Variants in PAPPA2 observed in about 807,000 individuals in gnomAD.
PAPPA2 encodes pappalysin 2, also known as pappalysin-2.
Under a neutral mutation model 176.4 loss-of-function variants are expected in PAPPA2, and 86 were observed. That is an observed-to-expected ratio of 0.49 (90% confidence interval 0.41 to 0.58). The LOEUF (loss-of-function observed/expected upper bound fraction) is 0.58, where lower values mean the gene tolerates loss of function less well. Ranked by LOEUF, PAPPA2 falls within the 20% of genes least tolerant of loss-of-function variation. The pLI is 0.00. For missense variants in PAPPA2, 2,073 were observed against 2,256.9 expected, an observed-to-expected ratio of 0.92 and a Z score of 1.65; for synonymous variants, 809 against 852.2, an observed-to-expected ratio of 0.95 and a Z score of 0.88.
chr1:176,782,695 C>T (rs947692252), intron 17 of PAPPA2, among the ~76,000 whole-genome samples: 4 of 152,176 alleles, frequency 2.6e-5, no homozygotes, highest in Non-Finnish European at 5.9e-5. Flanking sequence ...GGAACCAGAA[C>T]ACACGGGACC....
chr1:176,835,048 G>A (rs1286285479), intron 21 of PAPPA2, among the ~76,000 whole-genome samples: 6 of 152,158 alleles, frequency 3.9e-5, no homozygotes, highest in Non-Finnish European at 8.8e-5. Context: ...CTCTGTGTTA[G>A]ATTGCTAGGT....
chr1:176,767,494 CAT>C (rs1664032293), intron 15 of PAPPA2, among the ~76,000 whole-genome samples: 1 of 152,146 alleles, frequency 6.6e-6, no homozygotes, highest in Non-Finnish European at 1.5e-5. Flanking sequence ...ACTACAGGTG[CAT>C]GCCACCACAC....
At chr1:176,532,945 C>T (rs1399301764) in intron 1 of PAPPA2, among the ~76,000 whole-genome samples, 2 of 152,212 alleles carry the variant, frequency 1.3e-5, no homozygotes. Context: ...CTAGATTTGC[C>T]CATGGCAATC....
At chr1:176,656,765 CCTCTCT>C (rs750068633) in intron 3 of PAPPA2, among the ~76,000 whole-genome samples, 1 of 147,096 alleles carries the variant, frequency 6.8e-6, no homozygotes, top group African/African-American at 2.5e-5. Flanking sequence ...CTGTAATCTC[CCTCTCT>C]CTCTCTCTCT....
Position 176,481,398 on chromosome 1 carries a change from C to T in PAPPA2, c.-917+17980C>T, listed in dbSNP as rs114839085. 2.1e-3 allele frequency among the ~76,000 whole-genome samples: 316 copies of T among 151,890 alleles called. 1 individual carries two copies. The highest frequency in any genetic ancestry group is 7.1e-3 in the African/African-American group (296 of 41,422). On this transcript the variant is annotated intron_variant, in intron 1 of 22. Transcript: ENST00000367662. ...GTGATGCCGTGTGGCAGCTTTGAGA[C>T]GGAATAGTCTGTCTACCTCACAAAG...
At chr1:176,570,871 G>A (rs984865274) in intron 2 of PAPPA2, among the ~76,000 whole-genome samples, 1 of 151,986 alleles carries the variant, frequency 6.6e-6, no homozygotes, top group African/African-American at 2.4e-5. Flanking sequence ...GCAGCTGTTC[G>A]TTTTGCCATT....
intron 1 of PAPPA2, among the ~76,000 whole-genome samples, chr1:176,535,274 AGCATGT>A (rs1318398759): frequency 1.2e-4 from 18 of 152,320 alleles, no homozygotes; most frequent in African/African-American, 4.1e-4. Flanking sequence ...ATGAGGCAGA[AGCATGT>A]GTTGAGGTTG....
intron 11 of PAPPA2, among the ~76,000 whole-genome samples, chr1:176,710,546 A>G (rs1042664439): frequency 2.0e-5 from 3 of 152,162 alleles, no homozygotes; most frequent in Non-Finnish European, 2.9e-5. Context: ...TCTTGCGTAC[A>G]TATTTTTTTT....
chr1:176,615,553 T>G (rs1655157423), intron 3 of PAPPA2, among the ~76,000 whole-genome samples: 2 of 152,152 alleles, frequency 1.3e-5, no homozygotes, highest in Non-Finnish European at 2.9e-5. Flanking sequence ...AGTCTCGATA[T>G]CCTGACCTCG....
chr1:176,633,012 T>C (rs941948442), intron 3 of PAPPA2, among the ~76,000 whole-genome samples: 19 of 152,142 alleles, frequency 1.2e-4, no homozygotes, highest in African/African-American at 4.6e-4. Context: ...TCCTTTGTAC[T>C]AGGCCCTGGT....
chr1:176,581,434 G>A (rs1652953103), intron 2 of PAPPA2, among the ~76,000 whole-genome samples: 1 of 152,098 alleles, frequency 6.6e-6, no homozygotes. Context: ...GGATTGTGTT[G>A]GCTATTTGAG....
At position 176,639,914 on chromosome 1, in the gene PAPPA2, A is replaced by G. The variant is rs558298506; in HGVS notation, c.1992-31056A>G. On this transcript the variant is annotated intron_variant, in intron 3 of 22. Transcript: ENST00000367662. Reference sequence around the variant, plus strand: ...GCAATTACAGAAGATAGATACTATTATTTTTGTTCTCATTTTTTACATTAT... The same window carrying G: ...GCAATTACAGAAGATAGATACTATTGTTTTTGTTCTCATTTTTTACATTAT... Among the ~76,000 whole-genome samples the G allele has an allele frequency of 2.3e-3, 346 of 151,442 alleles. 2 individuals are homozygous for G. The highest frequency in any genetic ancestry group is 7.9e-3 in the African/African-American group (328 of 41,450).
At chr1:176,797,034 A>T (rs1290164559) in intron 20 of PAPPA2, among the ~76,000 whole-genome samples, 1 of 152,208 alleles carries the variant, frequency 6.6e-6, no homozygotes, top group African/African-American at 2.4e-5. Context: ...AAAGTTCAAA[A>T]CAAATCTTTG....
chr1:176,572,703 C>T (rs1017328457), intron 2 of PAPPA2, among the ~76,000 whole-genome samples: 3 of 152,126 alleles, frequency 2.0e-5, no homozygotes, highest in Non-Finnish European at 4.4e-5. Context: ...ATATAAGAAA[C>T]ACTGGACAAA....
At chr1:176,718,557 A>T (rs1287315720) in intron 12 of PAPPA2, among the ~76,000 whole-genome samples, 1 of 152,006 alleles carries the variant, frequency 6.6e-6, no homozygotes, top group Non-Finnish European at 1.5e-5. Context: ...CTTTAGCTAC[A>T]TTTCATAAGT....
At chr1:176,693,854 T>G (rs921018563) in intron 6 of PAPPA2, among the ~76,000 whole-genome samples, 2 of 152,198 alleles carry the variant, frequency 1.3e-5, no homozygotes, top group African/African-American at 4.8e-5. Flanking sequence ...CAGCAAGTCC[T>G]CTGTGGGTGT....
At chr1:176,699,629 T>G in intron 8 of PAPPA2, 40 bp downstream of exon 8, 1 of 1,544,272 alleles carries the variant, frequency 6.5e-7, no homozygotes, top group Non-Finnish European at 8.7e-7. Context: ...CCTGAGGCTC[T>G]GGGGGTGGGT....
At chr1:176,761,234 A>G (rs190204121) in intron 14 of PAPPA2, among the ~76,000 whole-genome samples, 6 of 152,336 alleles carry the variant, frequency 3.9e-5, no homozygotes, top group Middle Eastern at 3.4e-3. Flanking sequence ...GGTTATGTGT[A>G]GGTGGCCATC....
rs1292370478 is a variant in PAPPA2, at chr1:176,556,443, A to T, written c.121A>T (p.Asn41Tyr). 9.9e-6 allele frequency: 16 copies of T among 1,614,094 alleles called. No homozygotes were observed. The Middle Eastern group carries it at 4.9e-4, about 50-fold the overall frequency. Residue 41 changes from asparagine (N) to tyrosine (Y), a missense_variant, in exon 2 of 23, where the codon AAT (asparagine) becomes TAT (tyrosine). Physicochemically the swap from Asn to Tyr is moderately radical, Grantham distance 143 (BLOSUM62 -2). This residue lies in a region of PAPPA2 where 1,196 missense variants were observed against 1,330.4 expected (regional missense o/e 0.90). Transcript: ENST00000367662. ...KKSLVEREHL[N>Y]QVLLEGERCW... ...ATCCTTGGTTGAGAGGGAACACCTG[A>T]ATCAGGTGCTGTTGGAAGGAGAACG...
Sources: gnomAD v4.1 joint callset for allele counts (sites outside exome capture counted in the v4.1 genomes callset) on GRCh38, gnomAD v4.1.1 for gene constraint, gnomAD v4.1.1 regional missense constraint, MANE v1.5 for transcripts, NCBI Gene and HGNC (gene_info 2026-07-23, HGNC 2026-07-21) for gene names.